The following DTNB variants were observed in gnomAD, a reference collection of about 807,000 sequenced individuals.
DTNB encodes dystrobrevin beta.
In DTNB, 63 loss-of-function variants were observed where a neutral mutation model predicts 90.7. The ratio of observed to expected loss-of-function variants is 0.69; its 90% CI spans 0.57 to 0.86. The LOEUF is 0.86. Ranked by LOEUF, DTNB falls within the 40% of genes least tolerant of loss-of-function variation. The pLI is 0.00. For missense variants in DTNB, 744 were observed against 807.1 expected (o/e 0.92, Z 0.95); for synonymous variants, 277 against 286.7 (o/e 0.97, Z 0.34).
chr2:25,427,319 C>A, intron 15 of DTNB: 1 of 500,944 alleles, frequency 2.0e-6, no homozygotes, highest in Non-Finnish European at 3.5e-6. Context: ...CTGCTCGAGA[C>A]ATTATCCTAT....
intron 2 of DTNB, among the ~76,000 whole-genome samples, chr2:25,647,459 T>A (rs1015242167): frequency 3.9e-5 from 6 of 152,234 alleles, no homozygotes; most frequent in African/African-American, 1.2e-4. Flanking sequence ...CATGGAATAT[T>A]TGGAAAAACA....
intron 10 of DTNB, among the ~76,000 whole-genome samples, chr2:25,466,785 G>A (rs1021375102): frequency 7.9e-5 from 12 of 152,156 alleles, no homozygotes; most frequent in African/African-American, 2.9e-4. Context: ...CAGAATTTGG[G>A]GAATATTACA....
At chr2:25,559,535 G>A (rs946233146) in intron 8 of DTNB, among the ~76,000 whole-genome samples, 35 of 152,106 alleles carry the variant, frequency 2.3e-4, no homozygotes, top group Non-Finnish European at 4.4e-4. Flanking sequence ...TCCCTCCTTC[G>A]CGGAGTCCAA....
At chr2:25,463,493 G>A (rs1457118974) in intron 10 of DTNB, among the ~76,000 whole-genome samples, 1 of 152,188 alleles carries the variant, frequency 6.6e-6, no homozygotes, top group Admixed American at 6.5e-5. Flanking sequence ...TTGTCAGTTT[G>A]GGGTGATGAA....
Position 25,521,660 on chromosome 2 carries a change from T to C in DTNB, c.1001+9813A>G, listed in dbSNP as rs146353863. 8.2e-3 allele frequency among the ~76,000 whole-genome samples: 1,253 copies of C among 152,278 alleles called. 14 individuals are homozygous for C. Among genetic ancestry groups the C allele is most frequent in the African/African-American group, 0.029 (1,193 of 41,538 alleles). On this transcript the variant is annotated intron_variant, in intron 9 of 20. Coordinates refer to ENST00000406818, the MANE Select transcript of DTNB (RefSeq NM_021907.5). ...ATCCACTCCCCTTGGCCTCCCAAAATGCTGGGTGAGCCACTGAGGCCAGTC... is the reference window on the plus strand; with the variant it reads ...ATCCACTCCCCTTGGCCTCCCAAAACGCTGGGTGAGCCACTGAGGCCAGTC...
chr2:25,545,283 T>G (rs2082174963), intron 8 of DTNB, among the ~76,000 whole-genome samples: 1 of 152,240 alleles, frequency 6.6e-6, no homozygotes, highest in Admixed American at 6.5e-5. Flanking sequence ...ACTTTTTGAA[T>G]GTGCCATTTC....
chr2:25,573,890 G>T (rs748072262), intron 8 of DTNB, among the ~76,000 whole-genome samples: 31 of 152,176 alleles, frequency 2.0e-4, no homozygotes, highest in Non-Finnish European at 4.0e-4. Context: ...TCACAGTCAA[G>T]TGGGTTGCTG....
chr2:25,541,352 C>T (rs963777316), intron 8 of DTNB, among the ~76,000 whole-genome samples: 2 of 151,796 alleles, frequency 1.3e-5, no homozygotes, highest in South Asian at 2.1e-4. Context: ...TGGTGGTGGG[C>T]GCACCTGTAA....
chr2:25,525,632 G>A (rs1404880816), intron 9 of DTNB, among the ~76,000 whole-genome samples: 5 of 148,982 alleles, frequency 3.4e-5, no homozygotes, highest in African/African-American at 7.4e-5. Flanking sequence ...GCGAAATTCC[G>A]TCTCAAAAAA....
At chr2:25,481,517 C>T (rs77233165) in intron 10 of DTNB, 1 of 152,144 alleles carries the variant, frequency 6.6e-6, no homozygotes, top group African/African-American at 2.4e-5. Context: ...GTGCCCTGTA[C>T]CACTCAGCTC....
chr2:25,668,980 G>C (rs185104325), intron 1 of DTNB, among the ~76,000 whole-genome samples: 284 of 152,282 alleles, frequency 1.9e-3, no homozygotes, highest in African/African-American at 6.5e-3. Context: ...CAATATGAAT[G>C]AACTTTAAGG....
intron 4 of DTNB, among the ~76,000 whole-genome samples, chr2:25,627,202 C>T (rs1457199391): frequency 4.1e-4 from 62 of 152,194 alleles, no homozygotes; most frequent in Admixed American, 4.0e-3. Context: ...CACCTGAGGT[C>T]GGGAGTTTGA....
chr2:25,474,982 ATC>A (rs372460180), intron 10 of DTNB, among the ~76,000 whole-genome samples: 8 of 151,660 alleles, frequency 5.3e-5, no homozygotes, highest in Non-Finnish European at 7.4e-5. Context: ...TTCACTGACC[ATC>A]TCTCTCTCTC....
At chr2:25,412,562 C>G (rs1406761527) in intron 16 of DTNB, among the ~76,000 whole-genome samples, 1 of 152,154 alleles carries the variant, frequency 6.6e-6, no homozygotes, top group Non-Finnish European at 1.5e-5. Context: ...GCCTGATGAT[C>G]ATTATATAAA....
intron 9 of DTNB, among the ~76,000 whole-genome samples, chr2:25,499,220 T>C (rs774602019): frequency 1.3e-5 from 2 of 150,786 alleles, no homozygotes; most frequent in Non-Finnish European, 2.9e-5. Context: ...AAAACAACCA[T>C]ATCAGGAAGG....
intron 8 of DTNB, among the ~76,000 whole-genome samples, chr2:25,569,902 G>A (rs539923616): frequency 6.6e-6 from 1 of 152,082 alleles, no homozygotes; most frequent in South Asian, 2.1e-4. Context: ...TTTGAGACCA[G>A]CCTGGCCAAC....
chr2:25,383,888 T>G lies in DTNB; in HGVS notation c.1827A>C (p.Ala609=), dbSNP rs776559230. 6.2e-7 allele frequency: 1 copy of G among 1,614,058 alleles called. No individual in the cohort carries two copies. Among genetic ancestry groups the G allele is most frequent in the Non-Finnish European group, 8.5e-7 (1 of 1,179,904 alleles). Reference sequence around the variant, plus strand: ...CTTCTTCTTCCTCTGCACCTTCCTCTGCTGTGAAAACAAGTCCAAGGAGGC... The same window carrying G: ...CTTCTTCTTCCTCTGCACCTTCCTCGGCTGTGAAAACAAGTCCAAGGAGGC... The part of the protein sequence containing the change: ...MSSLVKELHS[A]EEGAEEEEEK... The change falls in exon 19 of 21, where the codon GCA becomes GCC. Residue 609 remains alanine, a splice_region_variant and synonymous_variant. Transcript: ENST00000406818.
chr2:25,628,585 G>A (rs1265853805), intron 3 of DTNB, among the ~76,000 whole-genome samples: 1 of 152,156 alleles, frequency 6.6e-6, no homozygotes, highest in African/African-American at 2.4e-5. Flanking sequence ...GTATGGGAAG[G>A]ACTACTTCCA....
intron 16 of DTNB, among the ~76,000 whole-genome samples, chr2:25,415,007 A>G (rs984807574): frequency 2.6e-5 from 4 of 152,144 alleles, no homozygotes; most frequent in Non-Finnish European, 2.9e-5. Context: ...GAAAAACAGA[A>G]GGGAAAGAGG....
Sources: allele counts gnomAD v4.1 joint callset (sites outside exome capture counted in the v4.1 genomes callset), GRCh38; gene constraint gnomAD v4.1.1; transcripts MANE v1.5; gene names NCBI Gene and HGNC (gene_info 2026-07-23, HGNC 2026-07-21).